Variants in MANBA observed in about 807,000 individuals in gnomAD.
MANBA encodes beta-mannosidase.
Under a neutral mutation model 111.1 loss-of-function variants are expected in MANBA, and 83 were observed. The observed-to-expected ratio is 0.75, with a 90% CI of 0.63 to 0.90. The LOEUF is 0.90. Ranked by LOEUF, MANBA falls within the 40% of genes least tolerant of loss-of-function variation. The probability of loss-of-function intolerance (pLI) is 0.00; values close to 1 mark genes in which losing one functional copy is unlikely to be tolerated. For missense variants in MANBA, 1,036 were observed against 1,069.0 expected, an observed-to-expected ratio of 0.97 and a Z score of 0.43; for synonymous variants, 370 against 378.7, an observed-to-expected ratio of 0.98 and a Z score of 0.27.
intron 1 of MANBA, among the ~76,000 whole-genome samples, chr4:102,733,381 C>T (rs1476123311): frequency 2.0e-5 from 3 of 147,030 alleles, no homozygotes; most frequent in African/African-American, 7.7e-5. Context: ...ACAGGTCTTG[C>T]TCTGCTCTGT....
chr4:102,657,634 C>T (rs781221199), intron 12 of MANBA, 48 bp downstream of exon 12: 1 of 1,416,528 alleles, frequency 7.1e-7, no homozygotes, highest in Admixed American at 1.7e-5. Context: ...TAAACACATG[C>T]CCACAGTCTA....
intron 7 of MANBA, among the ~76,000 whole-genome samples, chr4:102,676,534 C>T (rs1731736889): frequency 2.0e-5 from 3 of 151,878 alleles, no homozygotes; most frequent in African/African-American, 4.8e-5. Flanking sequence ...CAGAGTAACT[C>T]GTCCAATTAA....
At chr4:102,760,047 C>A (rs1250986006) in intron 1 of MANBA, among the ~76,000 whole-genome samples, 1 of 151,970 alleles carries the variant, frequency 6.6e-6, no homozygotes, top group South Asian at 2.1e-4. Flanking sequence ...AACACGAAAA[C>A]GTTCCCCACA....
At chr4:102,716,258 G>C (rs1722325332) in intron 4 of MANBA, among the ~76,000 whole-genome samples, 1 of 128,000 alleles carries the variant, frequency 7.8e-6, no homozygotes, top group South Asian at 2.6e-4. Context: ...ATAGTGAGTT[G>C]AGATCGCACC....
At chr4:102,697,870 C>A (rs537701586) in intron 5 of MANBA, among the ~76,000 whole-genome samples, 3 of 152,066 alleles carry the variant, frequency 2.0e-5, no homozygotes, top group Non-Finnish European at 4.4e-5. Flanking sequence ...TGGATATATA[C>A]CCTGTAATGG....
chr4:102,726,070 C>A (rs1722782496), intron 2 of MANBA, among the ~76,000 whole-genome samples: 1 of 151,672 alleles, frequency 6.6e-6, no homozygotes, highest in Admixed American at 6.6e-5. Flanking sequence ...CTGGCCTTTT[C>A]CCCCCTTTAA....
intron 1 of MANBA, among the ~76,000 whole-genome samples, chr4:102,735,317 CT>C (rs981858825): frequency 4.6e-5 from 7 of 152,078 alleles, no homozygotes; most frequent in Admixed American, 4.6e-4. Flanking sequence ...AGACCAACCT[CT>C]TTTCAACCCT....
intron 4 of MANBA, among the ~76,000 whole-genome samples, chr4:102,715,485 C>A (rs1318118535): frequency 6.6e-6 from 1 of 152,124 alleles, no homozygotes; most frequent in African/African-American, 2.4e-5. Context: ...AACCTATAGT[C>A]CACATATTTT....
intron 1 of MANBA, among the ~76,000 whole-genome samples, chr4:102,736,204 C>T (rs1279994939): frequency 1.3e-5 from 2 of 152,160 alleles, no homozygotes; most frequent in African/African-American, 4.8e-5. Context: ...TAGTCATTAC[C>T]TAGTACTACC....
chr4:102,654,884 A>T (rs1197223011), intron 12 of MANBA, among the ~76,000 whole-genome samples: 3 of 152,162 alleles, frequency 2.0e-5, no homozygotes, highest in African/African-American at 7.2e-5. Context: ...GGAAAGGAAG[A>T]AGCAATATTA....
intron 11 of MANBA, among the ~76,000 whole-genome samples, chr4:102,660,517 T>C (rs193150162): frequency 2.2e-3 from 339 of 152,162 alleles, no homozygotes; most frequent in African/African-American, 8.0e-3. Flanking sequence ...TGCAGTGGCA[T>C]GATCATAGCT....
At chr4:102,695,726 C>T (rs1238238179) in intron 5 of MANBA, among the ~76,000 whole-genome samples, 4 of 152,102 alleles carry the variant, frequency 2.6e-5, no homozygotes, top group Non-Finnish European at 4.4e-5. Flanking sequence ...ATGAGCCTCT[C>T]GCAGCGATGC....
At chr4:102,660,607 C>G (rs994515491) in intron 11 of MANBA, among the ~76,000 whole-genome samples, 5 of 151,742 alleles carry the variant, frequency 3.3e-5, no homozygotes, top group African/African-American at 1.2e-4. Flanking sequence ...AGGCACATGT[C>G]ACTATGCCCA....
chr4:102,718,251 T>C (rs1277487674), intron 4 of MANBA, among the ~76,000 whole-genome samples: 1 of 152,192 alleles, frequency 6.6e-6, no homozygotes, highest in African/African-American at 2.4e-5. Flanking sequence ...AAGTGCGGTG[T>C]GGCGCATACT....
In MANBA at chr4:102,664,863, A is replaced by G. The variant is rs1451266733; in HGVS notation, c.1318-11T>C. Reference sequence around the variant, plus strand: ...TTTCAGTCTCTTGATCTGAAAATTAAGAAAACATAAAATGATTTTCAAAGA... The same window carrying G: ...TTTCAGTCTCTTGATCTGAAAATTAGGAAAACATAAAATGATTTTCAAAGA... On this transcript the variant is annotated splice_polypyrimidine_tract_variant and intron_variant, in intron 10 of 16. Coordinates refer to ENST00000647097, the MANE Select transcript of MANBA (RefSeq NM_005908.4). 2 of 1,575,342 alleles carry G rather than the reference A, an allele frequency of 1.3e-6. No individual in the cohort carries two copies. The highest frequency in any genetic ancestry group is 1.7e-6 in the Non-Finnish European group (2 of 1,144,930).
At chr4:102,729,515 C>A (rs1427306533) in intron 1 of MANBA, 4 of 924,040 alleles carry the variant, frequency 4.3e-6, no homozygotes, top group South Asian at 1.3e-5. Flanking sequence ...AAATTGATCT[C>A]GTCAGTCAGC....
intron 5 of MANBA, among the ~76,000 whole-genome samples, chr4:102,692,612 G>A (rs1293769848): frequency 6.6e-6 from 1 of 151,924 alleles, no homozygotes; most frequent in Non-Finnish European, 1.5e-5. Flanking sequence ...AAGCTTGGAG[G>A]TACAGGGGGT....
In MANBA at chr4:102,639,744, G is replaced by A; in HGVS notation, c.1983C>T (p.Asp661=). The A allele has an allele frequency of 4.3e-6, 7 of 1,614,128 alleles. No homozygotes were observed. Among genetic ancestry groups the A allele is most frequent in the South Asian group, 1.1e-5 (1 of 91,080 alleles). Residue 661 remains aspartate (D), a synonymous_variant, in exon 14 of 17, where the codon GAC becomes GAT. Transcript: ENST00000647097. The part of the protein sequence containing the change: ...TMGALYWQLN[D]IWQAPSWASL... Reference sequence around the variant, plus strand: ...AAGCCCAGGAAGGAGCTTGCCAGATGTCATTCAACTGCCAATAAAGTGCCC... The same window carrying A: ...AAGCCCAGGAAGGAGCTTGCCAGATATCATTCAACTGCCAATAAAGTGCCC...
intron 5 of MANBA, among the ~76,000 whole-genome samples, chr4:102,705,242 G>C (rs1484267346): frequency 6.6e-6 from 1 of 152,148 alleles, no homozygotes; most frequent in East Asian, 1.9e-4. Flanking sequence ...CCATGAGAGA[G>C]CACCTCCACC....
Sources: gnomAD v4.1 joint callset for allele counts (sites outside exome capture counted in the v4.1 genomes callset) on GRCh38, gnomAD v4.1.1 for gene constraint, MANE v1.5 for transcripts, NCBI Gene and HGNC (gene_info 2026-07-23, HGNC 2026-07-21) for gene names.